The following LTA4H variants were observed in gnomAD, a reference collection of about 807,000 sequenced individuals.
The protein encoded by LTA4H is leukotriene A-4 hydrolase.
A neutral mutation model predicts 89.8 loss-of-function variants in LTA4H; 59 were observed. The observed-to-expected ratio is 0.66, with a 90% CI of 0.53 to 0.82. The LOEUF is 0.82. LTA4H is among the 40% of genes least tolerant of loss of function. The pLI is 0.00. For synonymous variants in LTA4H, 227 were observed against 253.1 expected, an observed-to-expected ratio of 0.90 and a Z score of 0.98; for missense variants, 617 against 727.0, an observed-to-expected ratio of 0.85 and a Z score of 1.74.
chr12:96,020,077 AT>A (rs1270561914), intron 6 of LTA4H, among the ~76,000 whole-genome samples: 1 of 151,074 alleles, frequency 6.6e-6, no homozygotes, highest in Non-Finnish European at 1.5e-5. Flanking sequence ...TTAATTTTTT[AT>A]TTTTTTGTAG....
rs748109891 is a variant in LTA4H at position 96,027,526 on chromosome 12, G to A, written c.329C>T (p.Ser110Phe). 5.0e-6 allele frequency: 8 copies of A among 1,606,320 alleles called. No individual in the cohort carries two copies. Among genetic ancestry groups the A allele is most frequent in the Non-Finnish European group, 4.3e-6 (5 of 1,173,584 alleles). The change falls in exon 3 of 19, where the codon TCT (serine) becomes TTT (phenylalanine). Residue 110 changes from serine (S) to phenylalanine (F), a missense_variant. Ser to Phe is a radical substitution (Grantham distance 155). Coordinates refer to ENST00000228740, the MANE Select transcript of LTA4H (RefSeq NM_000895.3). ...EIVIEISFET[S>F]PKSSALQWLT... ...CCACTGGAGAGCAGAAGATTTTGGA[G>A]AGGTCTCAAAAGAAATTTCTATAAC...
intron 9 of LTA4H, 89 bp downstream of exon 9, chr12:96,017,468 T>C: frequency 8.8e-7 from 1 of 1,140,250 alleles, no homozygotes; most frequent in Non-Finnish European, 1.3e-6. Context: ...TATAACCATA[T>C]CTTTAACATA....
intron 1 of LTA4H, among the ~76,000 whole-genome samples, chr12:96,041,865 T>C (rs559148865): frequency 2.0e-5 from 3 of 152,032 alleles, no homozygotes; most frequent in Non-Finnish European, 4.4e-5. Flanking sequence ...ATGGTCTCAA[T>C]CTCCTGACCT....
chr12:96,019,009 T>C, intron 7 of LTA4H, 106 bp from the exon 8 acceptor site: 1 of 1,247,938 alleles, frequency 8.0e-7, no homozygotes, highest in Non-Finnish European at 1.1e-6. Context: ...ATGATTTTTA[T>C]GTTAAATGAA....
chr12:96,001,950 C>T (rs1428552955), intron 18 of LTA4H, among the ~76,000 whole-genome samples: 8 of 152,030 alleles, frequency 5.3e-5, no homozygotes, highest in Non-Finnish European at 8.8e-5. Flanking sequence ...CTCTGCCTCC[C>T]GGGTTCAAGC....
intron 3 of LTA4H, among the ~76,000 whole-genome samples, chr12:96,026,857 C>T (rs538864471): frequency 6.6e-6 from 1 of 152,230 alleles, no homozygotes; most frequent in East Asian, 1.9e-4. Flanking sequence ...ATCCTTGTGA[C>T]AGGTTATCTC....
chr12:96,028,172 CA>C (rs1176120164), intron 2 of LTA4H, among the ~76,000 whole-genome samples: 1 of 152,102 alleles, frequency 6.6e-6, no homozygotes, highest in Non-Finnish European at 1.5e-5. Flanking sequence ...TCCTTTACCC[CA>C]GAGAGTTTGA....
chr12:96,024,736 T>C (rs1294277990), intron 3 of LTA4H, among the ~76,000 whole-genome samples, 189 bp from the exon 4 acceptor site: 1 of 151,924 alleles, frequency 6.6e-6, no homozygotes, highest in Admixed American at 6.5e-5. Context: ...TGGCATGATC[T>C]TGGCTCACTG....
chr12:96,030,064 C>T (rs541519859), intron 1 of LTA4H, among the ~76,000 whole-genome samples: 1 of 152,236 alleles, frequency 6.6e-6, no homozygotes, highest in East Asian at 1.9e-4. Flanking sequence ...GAAAGGGCAG[C>T]CCCCACCCCG....
chr12:96,036,011 T>C (rs60384448), upstream of LTA4H, among the ~76,000 whole-genome samples: 573 of 152,322 alleles, frequency 3.8e-3, 1 homozygote, highest in African/African-American at 0.013. Flanking sequence ...AAGGCTTTCT[T>C]TCGTGCGGTT....
chr12:96,019,150 G>T lies in LTA4H; in HGVS notation c.711+18C>A, dbSNP rs762176443. On this transcript the variant is annotated intron_variant, in intron 7 of 18. Transcript: ENST00000228740. ...ACTGTCTATCACAATGATTACAAAG[G>T]ATAACTAAATGACCAACCTCAGAAA... 6.9e-6 allele frequency: 11 copies of T among 1,601,806 alleles called. No individual in the cohort carries two copies. The highest frequency in any genetic ancestry group is 1.7e-5 in the Admixed American group (1 of 58,184).
chr12:96,030,038 C>T (rs1055193507), intron 1 of LTA4H, among the ~76,000 whole-genome samples: 1 of 152,150 alleles, frequency 6.6e-6, no homozygotes, highest in African/African-American at 2.4e-5. Flanking sequence ...CTTCTTCCAT[C>T]TGGCTTCTTG....
chr12:96,043,335 G>T (rs1950703038), exon 1 of LTA4H: 1 of 1,535,476 alleles, frequency 6.5e-7, no homozygotes, highest in Non-Finnish European at 8.7e-7. Flanking sequence ...GATATGCATG[G>T]TCGGTACTTG....
In LTA4H at chr12:96,029,254, G is replaced by A. The variant is rs190633916; in HGVS notation, c.160-69C>T. The A allele has an allele frequency of 5.5e-4, 465 of 847,318 alleles. No homozygotes were observed. In the African/African-American group the frequency reaches 7.5e-3, roughly 14 times the overall value. The allele number at this position is 847,318 out of a possible 1,614,324, so 52.5% of individuals were successfully genotyped here. ...CCAGAAAAAACTCATATTAGATATA[G>A]GCTACAACAACTAGTTGCTTATGGA... On this transcript the variant is annotated intron_variant, in intron 1 of 18. Coordinates refer to ENST00000228740, the MANE Select transcript of LTA4H (RefSeq NM_000895.3).
chr12:96,029,658 A>G (rs549944205), intron 1 of LTA4H, among the ~76,000 whole-genome samples: 16 of 152,284 alleles, frequency 1.1e-4, no homozygotes, highest in African/African-American at 3.6e-4. Flanking sequence ...AAAAAGCCCA[A>G]CCTGGTATGG....
At chr12:96,028,017 G>A (rs1224752246) in intron 2 of LTA4H, 1 of 152,278 alleles carries the variant, frequency 6.6e-6, no homozygotes, top group Non-Finnish European at 1.5e-5. Flanking sequence ...AGTCAGCATT[G>A]CAAAACTTTT....
intron 1 of LTA4H, among the ~76,000 whole-genome samples, chr12:96,041,534 A>G (rs755870350): frequency 1.4e-4 from 21 of 152,104 alleles, no homozygotes; most frequent in Non-Finnish European, 2.6e-4. Flanking sequence ...CCCCATAAAT[A>G]CATACACTTT....
intron 13 of LTA4H, 134 bp from the exon 14 acceptor site, chr12:96,013,392 AAATT>A: frequency 3.4e-6 from 2 of 596,298 alleles, no homozygotes; most frequent in Non-Finnish European, 6.0e-6. Flanking sequence ...TCTTTTTTAA[AAATT>A]AATATTTTAA....
At chr12:96,020,574 C>G (rs993356972) in intron 6 of LTA4H, 1 of 153,018 alleles carries the variant, frequency 6.5e-6, no homozygotes, top group East Asian at 1.9e-4. Context: ...TGTGGATATA[C>G]TTAACACTAC....
Sources: gnomAD v4.1 joint callset for allele counts (sites outside exome capture counted in the v4.1 genomes callset) on GRCh38, gnomAD v4.1.1 for gene constraint, MANE v1.5 for transcripts, NCBI Gene and HGNC (gene_info 2026-07-23, HGNC 2026-07-21) for gene names.